The following CTNND2 variants were observed in gnomAD, a reference collection of about 807,000 sequenced individuals.
CTNND2 encodes catenin delta-2.
CTNND2 carries 22 observed loss-of-function variants against 144.4 expected under a neutral mutation model. The observed-to-expected ratio is 0.15, with a 90% CI of 0.11 to 0.22. CTNND2 has a LOEUF of 0.22. Among genes scored for constraint, CTNND2 ranks in the 10% least tolerant of loss-of-function variants. CTNND2 has a pLI of 1.00. For synonymous variants in CTNND2, 751 were observed against 695.6 expected, an observed-to-expected ratio of 1.08 and a Z score of -1.25; for missense variants, 1,353 against 1,618.8, an observed-to-expected ratio of 0.84 and a Z score of 2.82.
At chr5:11,252,865 T>C (rs138524920) in intron 9 of CTNND2, among the ~76,000 whole-genome samples, 1,932 of 152,348 alleles carry the variant, frequency 0.013, 42 homozygotes, top group Admixed American at 0.045. Context: ...TCATCTACTG[T>C]AGGACTAACA....
chr5:11,876,209 G>A (rs1005480706), intron 1 of CTNND2, among the ~76,000 whole-genome samples: 36 of 151,606 alleles, frequency 2.4e-4, no homozygotes, highest in African/African-American at 6.5e-4. Flanking sequence ...GAGGAGGGAG[G>A]AGGCAGGAGG....
intron 16 of CTNND2, among the ~76,000 whole-genome samples, chr5:11,031,429 G>A (rs1434796028): frequency 6.6e-6 from 1 of 152,176 alleles, no homozygotes; most frequent in Non-Finnish European, 1.5e-5. Context: ...TGTGAGCTAA[G>A]CTGAGATTGA....
chr5:11,234,498 CG>C (rs1183362629), intron 10 of CTNND2, among the ~76,000 whole-genome samples: 20 of 152,186 alleles, frequency 1.3e-4, no homozygotes, highest in African/African-American at 4.3e-4. Context: ...AAAGCCAGCC[CG>C]GGAAGCTCAT....
chr5:11,663,022 G>C (rs1014457763), intron 2 of CTNND2, among the ~76,000 whole-genome samples: 12 of 152,184 alleles, frequency 7.9e-5, no homozygotes, highest in Admixed American at 3.9e-4. Context: ...GTGAGAATGA[G>C]AAGTGAGGAA....
intron 2 of CTNND2, among the ~76,000 whole-genome samples, chr5:11,570,292 C>T (rs55723797): frequency 0.26 from 39,990 of 152,046 alleles, 6,845 homozygotes; most frequent in Middle Eastern, 0.39. Context: ...CATCTTCAGG[C>T]GGGAGATTTC....
intron 2 of CTNND2, among the ~76,000 whole-genome samples, chr5:11,657,051 C>T (rs1782954115): frequency 6.6e-6 from 1 of 151,998 alleles, no homozygotes; most frequent in South Asian, 2.1e-4. Context: ...AAGAATGTGT[C>T]TCAACAGCTT....
At chr5:10,997,302 AT>A (rs1006841903) in intron 18 of CTNND2, among the ~76,000 whole-genome samples, 2 of 151,934 alleles carry the variant, frequency 1.3e-5, no homozygotes, top group African/African-American at 4.8e-5. Context: ...GATTAAAAAC[AT>A]TTTTTTTAGG....
intron 9 of CTNND2, among the ~76,000 whole-genome samples, chr5:11,267,421 G>T (rs1292156851): frequency 6.6e-6 from 1 of 152,128 alleles, no homozygotes; most frequent in Non-Finnish European, 1.5e-5. Context: ...CTCTCCAGGG[G>T]AAAGCCATTT....
chr5:11,249,093 G>GTAA (rs1561091278), intron 9 of CTNND2, among the ~76,000 whole-genome samples: 1 of 152,218 alleles, frequency 6.6e-6, no homozygotes, highest in African/African-American at 2.4e-5. Context: ...ATTGTAGTGG[G>GTAA]CAACACAGTG....
At chr5:11,282,523 T>C (rs1191839179) in intron 9 of CTNND2, among the ~76,000 whole-genome samples, 1 of 152,178 alleles carries the variant, frequency 6.6e-6, no homozygotes, top group African/African-American at 2.4e-5. Flanking sequence ...CAGCCTCGAT[T>C]TACAAAAGGC....
chr5:11,026,100 G>A (rs944848270), intron 16 of CTNND2, among the ~76,000 whole-genome samples: 4 of 152,108 alleles, frequency 2.6e-5, no homozygotes, highest in Non-Finnish European at 1.5e-5. Flanking sequence ...AAAGAGGCTG[G>A]ATCACCAGGT....
chr5:11,103,267 C>T (rs1366440726), intron 14 of CTNND2, among the ~76,000 whole-genome samples: 1 of 151,994 alleles, frequency 6.6e-6, no homozygotes, highest in Non-Finnish European at 1.5e-5. Context: ...CAGGCATGAG[C>T]CACCGCACCC....
intron 5 of CTNND2, among the ~76,000 whole-genome samples, chr5:11,408,483 G>A (rs1020132025): frequency 6.6e-6 from 1 of 151,940 alleles, no homozygotes; most frequent in Non-Finnish European, 1.5e-5. Context: ...GAATCCTTCC[G>A]CATACAACTT....
chr5:11,643,200 T>C (rs958495102), intron 2 of CTNND2, among the ~76,000 whole-genome samples: 5 of 151,660 alleles, frequency 3.3e-5, no homozygotes, highest in South Asian at 2.1e-4. Context: ...TTTTAGTTCA[T>C]ACATTTAATA....
chr5:11,514,645 G>A (rs1771996844), intron 3 of CTNND2, among the ~76,000 whole-genome samples: 1 of 152,186 alleles, frequency 6.6e-6, no homozygotes, highest in Admixed American at 6.5e-5. Flanking sequence ...CTGCATGAAT[G>A]TGTAGTGACA....
At chr5:11,277,165 G>C (rs1364278067) in intron 9 of CTNND2, among the ~76,000 whole-genome samples, 1 of 151,946 alleles carries the variant, frequency 6.6e-6, no homozygotes, top group African/African-American at 2.4e-5. Flanking sequence ...TCCTAGAGCA[G>C]TGAGAGAAAA....
intron 2 of CTNND2, among the ~76,000 whole-genome samples, chr5:11,655,785 G>A (rs1782882253): frequency 6.6e-6 from 1 of 151,990 alleles, no homozygotes; most frequent in African/African-American, 2.4e-5. Flanking sequence ...TTTCATGTAT[G>A]GTTACCCAGG....
chr5:11,103,127 G>A (rs1412373953), intron 14 of CTNND2, among the ~76,000 whole-genome samples: 1 of 151,612 alleles, frequency 6.6e-6, no homozygotes, highest in Non-Finnish European at 1.5e-5. Flanking sequence ...GATTACAGGT[G>A]TGCTCCATCA....
Position 11,447,913 on chromosome 5 carries a change from A to C in CTNND2, c.288-35844T>G, listed in dbSNP as rs1025984775. Among the ~76,000 whole-genome samples, 8 of 152,304 alleles carry C rather than the reference A, an allele frequency of 5.3e-5. No homozygotes were observed. The South Asian group carries it at 1.7e-3, about 32-fold the overall frequency. On this transcript the variant is annotated intron_variant, in intron 3 of 21. Transcript: ENST00000304623. ...TGATGTACTAGTTGTGTATATTAACAATGTAAGCTGCTTAGAGAGGGTTTG... is the reference window on the plus strand; with the variant it reads ...TGATGTACTAGTTGTGTATATTAACCATGTAAGCTGCTTAGAGAGGGTTTG...
Sources: allele counts gnomAD v4.1 joint callset (sites outside exome capture counted in the v4.1 genomes callset), GRCh38; gene constraint gnomAD v4.1.1; transcripts MANE v1.5; gene names NCBI Gene and HGNC (gene_info 2026-07-23, HGNC 2026-07-21).